The following SLC7A13 variants were observed in gnomAD, a reference collection of about 807,000 sequenced individuals.
The protein encoded by SLC7A13 is X-amino acid transporter 2.
SLC7A13 carries 31 observed loss-of-function variants against 32.0 expected under a neutral mutation model. The ratio of observed to expected loss-of-function variants is 0.97; its 90% confidence interval spans 0.73 to 1.31. The LOEUF is 1.31. SLC7A13 is among the 50% of genes most tolerant of loss of function. SLC7A13 has a pLI of 0.00. For missense variants in SLC7A13, 633 were observed against 546.9 expected (o/e 1.16, Z -1.57); for synonymous variants, 232 against 206.9 (o/e 1.12, Z -1.04).
intron 1 of SLC7A13, among the ~76,000 whole-genome samples, chr8:86,225,345 T>G (rs1351636546): frequency 2.6e-5 from 4 of 152,180 alleles, no homozygotes; most frequent in Admixed American, 2.0e-4. Flanking sequence ...AAGGTTTCAA[T>G]CTCCTTATAG....
chr8:86,229,601 A>T lies in SLC7A13; in HGVS notation c.677T>A (p.Leu226His). ...CCTCAATGGATTGTTACCTGCTATA[A>T]GTGTAAAGCATGCCCCGCCTGAATA... ...FAYSGGACFT[L>H]IAGELKKPRT... Residue 226 changes from leucine (L) to histidine (H), a missense_variant, in exon 1 of 4, where the codon CTT becomes CAT. Leu to His is a moderately conservative substitution (Grantham distance 99, BLOSUM62 -3). Coordinates refer to ENST00000297524, the MANE Select transcript of SLC7A13 (RefSeq NM_138817.3). 6.2e-7 allele frequency: 1 copy of T among 1,612,196 alleles called. No individual in the cohort carries two copies. Among genetic ancestry groups the T allele is most frequent in the Non-Finnish European group, 8.5e-7 (1 of 1,179,026 alleles).
At position 86,229,003 on chromosome 8, in the gene SLC7A13, C is replaced by A. The variant is rs371609525; in HGVS notation, c.685+590G>T. Among the ~76,000 whole-genome samples the A allele has an allele frequency of 2.6e-4, 40 of 152,182 alleles. No individual in the cohort carries two copies. In the East Asian group the frequency reaches 6.9e-3, roughly 26 times the overall value. On this transcript the variant is annotated intron_variant, in intron 1 of 3. Transcript: ENST00000297524. ...GCCCTATTTTAACTTTTAAATGCAT[C>A]CAAGGTTGCTGTAGGGTGACTGCTT...
rs200502451 is a variant in SLC7A13 at position 86,229,576 on chromosome 8, C to G, written c.685+17G>C. 1.3e-6 allele frequency: 2 copies of G among 1,581,932 alleles called. No homozygotes were observed. The highest frequency in any genetic ancestry group is 1.7e-6 in the Non-Finnish European group (2 of 1,164,872). On this transcript the variant is annotated intron_variant, in intron 1 of 3. Transcript: ENST00000297524. Reference sequence around the variant, plus strand: ...ATAAGTCATGATTTTAGATTTTTTTCCTCAATGGATTGTTACCTGCTATAA... The same window carrying G: ...ATAAGTCATGATTTTAGATTTTTTTGCTCAATGGATTGTTACCTGCTATAA...
At chr8:86,224,516 C>A (rs1563591080) in intron 1 of SLC7A13, among the ~76,000 whole-genome samples, 1 of 152,004 alleles carries the variant, frequency 6.6e-6, no homozygotes, top group Non-Finnish European at 1.5e-5. Flanking sequence ...ATATTAAGTG[C>A]AAAAAAAGGC....
chr8:86,229,316 A>C (rs986702733), intron 1 of SLC7A13, among the ~76,000 whole-genome samples: 1 of 152,222 alleles, frequency 6.6e-6, no homozygotes, highest in African/African-American at 2.4e-5. Context: ...ATCCATTAAC[A>C]GAAAGGAAAC....
rs7000585 is a variant in SLC7A13, at chr8:86,215,292, T to C, written c.1180-646A>G. On this transcript the variant is annotated intron_variant, in intron 3 of 3. Transcript: ENST00000297524. ...GAAAATCGATATAAGATATAACTGATATGAATCTATATTCCCCAAAGATAT... is the reference window on the plus strand; with the variant it reads ...GAAAATCGATATAAGATATAACTGACATGAATCTATATTCCCCAAAGATAT... Among the ~76,000 whole-genome samples, 568 of 152,298 alleles carry C rather than the reference T, an allele frequency of 3.7e-3. 8 individuals are homozygous for C. Among genetic ancestry groups the C allele is most frequent in the African/African-American group, 0.013 (545 of 41,558 alleles).
intron 2 of SLC7A13, among the ~76,000 whole-genome samples, chr8:86,218,241 G>A (rs570851184): frequency 6.6e-6 from 1 of 152,262 alleles, no homozygotes; most frequent in Non-Finnish European, 1.5e-5. Context: ...ATAGAGTCCT[G>A]ATAGTTACAT....
chr8:86,218,612 A>G (rs924347000), intron 2 of SLC7A13, among the ~76,000 whole-genome samples: 1 of 151,986 alleles, frequency 6.6e-6, no homozygotes, highest in Admixed American at 6.6e-5. Flanking sequence ...TAAAATGTTC[A>G]TGGTACTAAG....
At chr8:86,221,829 G>T (rs959270314) in intron 2 of SLC7A13, among the ~76,000 whole-genome samples, 3 of 152,112 alleles carry the variant, frequency 2.0e-5, no homozygotes, top group Admixed American at 6.6e-5. Context: ...AACCCGTATG[G>T]ACGGAGCACT....
Position 86,229,785 on chromosome 8 carries a change from C to T in SLC7A13, c.493G>A (p.Val165Met). ...EVTWLQIASS[V>M]LKVSILSFIS... ...AAGCTAAGTATGGACACTTTCAGCA[C>T]TGAGCTAGCTATCTGAAGCCAAGTC... Residue 165 changes from valine to methionine, a missense_variant, in exon 1 of 4, where the codon GTG becomes ATG. By Grantham distance (21) the Val-to-Met change is conservative (BLOSUM62 1). Transcript: ENST00000297524. The T allele has an allele frequency of 6.2e-7, 1 of 1,614,212 alleles. No individual in the cohort carries two copies. Among genetic ancestry groups the T allele is most frequent in the Non-Finnish European group, 8.5e-7 (1 of 1,180,036 alleles).
chr8:86,226,332 TCTC>T (rs1204692362), intron 1 of SLC7A13, among the ~76,000 whole-genome samples: 1 of 151,970 alleles, frequency 6.6e-6, no homozygotes, highest in South Asian at 2.1e-4. Flanking sequence ...AAAACAGTAA[TCTC>T]CTCATAGCTT....
chr8:86,221,286 A>T (rs996683628), intron 2 of SLC7A13, among the ~76,000 whole-genome samples: 11 of 151,862 alleles, frequency 7.2e-5, no homozygotes, highest in Non-Finnish European at 1.3e-4. Flanking sequence ...TTTCCCATAA[A>T]TTTTTTATTT....
intron 2 of SLC7A13, among the ~76,000 whole-genome samples, chr8:86,219,104 C>A (rs1820244502): frequency 6.6e-6 from 1 of 152,122 alleles, no homozygotes; most frequent in South Asian, 2.1e-4. Context: ...TGCTATTCTA[C>A]AACTTTGGAT....
intron 2 of SLC7A13, among the ~76,000 whole-genome samples, chr8:86,220,108 G>A (rs1820268556): frequency 6.6e-6 from 1 of 151,708 alleles, no homozygotes; most frequent in Non-Finnish European, 1.5e-5. Flanking sequence ...TGGGTACTTG[G>A]GACCAGCTAC....
At chr8:86,223,377 T>C (rs1250736670) in intron 1 of SLC7A13, among the ~76,000 whole-genome samples, 1 of 152,152 alleles carries the variant, frequency 6.6e-6, no homozygotes, top group Non-Finnish European at 1.5e-5. Context: ...TCTACATCCA[T>C]AAGTACACAT....
Position 86,229,808 on chromosome 8 carries a change from G to A in SLC7A13, c.470C>T (p.Thr157Ile). The change falls in exon 1 of 4, where the codon ACT (threonine) becomes ATT (isoleucine). Residue 157 changes from threonine to isoleucine, a missense_variant. Transcript: ENST00000297524. Reference protein sequence around the residue: ...ILTSRGVKEVTWLQIASSVLK... With the variant: ...ILTSRGVKEVIWLQIASSVLK... ...CACTGAGCTAGCTATCTGAAGCCAA[G>A]TCACTTCTTTCACACCACGAGAAGT... The A allele has an allele frequency of 6.2e-7, 1 of 1,614,168 alleles. No homozygotes were observed. Among genetic ancestry groups the A allele is most frequent in the Non-Finnish European group, 8.5e-7 (1 of 1,180,040 alleles).
intron 1 of SLC7A13, among the ~76,000 whole-genome samples, chr8:86,228,617 G>A (rs1201200501): frequency 1.3e-5 from 2 of 151,938 alleles, no homozygotes; most frequent in African/African-American, 2.4e-5. Context: ...AGGCAGAGGC[G>A]GGTGGCTCAC....
At chr8:86,220,094 C>T (rs1401666350) in intron 2 of SLC7A13, among the ~76,000 whole-genome samples, 1 of 151,994 alleles carries the variant, frequency 6.6e-6, no homozygotes, top group Non-Finnish European at 1.5e-5. Context: ...TTTTTAACAA[C>T]ATCTGGGTAC....
At position 86,229,716 on chromosome 8, in the gene SLC7A13, C is replaced by T. The variant is rs534501229; in HGVS notation, c.562G>A (p.Glu188Lys). 8 of 1,614,186 alleles carry T rather than the reference C, an allele frequency of 5.0e-6. No individual in the cohort carries two copies. In the East Asian group the frequency reaches 1.6e-4, roughly 31 times the overall value. Residue 188 changes from glutamate to lysine, a missense_variant, in exon 1 of 4, where the codon GAG becomes AAG. Glu to Lys is a moderately conservative substitution (Grantham distance 56, BLOSUM62 1). Coordinates refer to ENST00000297524, the MANE Select transcript of SLC7A13 (RefSeq NM_138817.3). The part of the protein sequence containing the change: ...GVVFLIRGKK[E>K]NVERFQNAFD... ...GCATTCTGAAATCGTTCTACATTCT[C>T]CTTTTTCCCTCTTATCAGGAACACT...
Sources: gnomAD v4.1 joint callset for allele counts (sites outside exome capture counted in the v4.1 genomes callset) on GRCh38, gnomAD v4.1.1 for gene constraint, MANE v1.5 for transcripts, NCBI Gene and HGNC (gene_info 2026-07-23, HGNC 2026-07-21) for gene names.